The following PARD3B variants were observed in gnomAD, a reference collection of about 807,000 sequenced individuals.
The protein encoded by PARD3B is par-3 family cell polarity regulator beta.
A neutral mutation model predicts 130.2 loss-of-function variants in PARD3B; 103 were observed. The ratio of observed to expected loss-of-function variants is 0.79; its 90% CI spans 0.67 to 0.93. PARD3B has a LOEUF of 0.93. PARD3B is among the 40% of genes least tolerant of loss of function. The pLI is 0.00. For missense variants in PARD3B, 1,609 were observed against 1,499.2 expected, an observed-to-expected ratio of 1.07 and a Z score of -1.21; for synonymous variants, 583 against 553.2, an observed-to-expected ratio of 1.05 and a Z score of -0.76.
intron 22 of PARD3B, among the ~76,000 whole-genome samples, chr2:205,613,641 A>G (rs914113395): frequency 1.3e-5 from 2 of 152,244 alleles, no homozygotes; most frequent in Non-Finnish European, 2.9e-5. Context: ...AATAACTTGT[A>G]CACAAACAAT....
intron 16 of PARD3B, among the ~76,000 whole-genome samples, chr2:205,250,265 G>A (rs2039783583): frequency 6.6e-6 from 1 of 151,416 alleles, no homozygotes; most frequent in African/African-American, 2.4e-5. Context: ...GCTTGGAACT[G>A]TTTTAATATG....
chr2:205,306,448 CTG>C lies in PARD3B; in HGVS notation c.2630+4749_2630+4750del, dbSNP rs532886308. On this transcript the variant is annotated intron_variant, in intron 18 of 22. Transcript: ENST00000406610. ...CTAAAATAGTCTGTAAATATAAAAA[CTG>C]TTAGAGCTTCACATATCCCATTTTC... 1.2e-3 allele frequency among the ~76,000 whole-genome samples: 182 copies of C among 152,188 alleles called. 2 individuals are homozygous for C. The highest frequency in any genetic ancestry group is 4.1e-3 in the African/African-American group (172 of 41,506).
chr2:205,275,358 T>G (rs2040897776), intron 16 of PARD3B, among the ~76,000 whole-genome samples: 1 of 152,124 alleles, frequency 6.6e-6, no homozygotes, highest in African/African-American at 2.4e-5. Context: ...GAATTACAAG[T>G]TCATGTGTCT....
At chr2:205,413,876 T>G (rs1333321988) in intron 19 of PARD3B, among the ~76,000 whole-genome samples, 1 of 152,174 alleles carries the variant, frequency 6.6e-6, no homozygotes, top group African/African-American at 2.4e-5. Context: ...TGACTTAAAT[T>G]TAATCAGTTG....
intron 22 of PARD3B, among the ~76,000 whole-genome samples, chr2:205,561,435 G>T (rs2053132564): frequency 6.6e-6 from 1 of 152,188 alleles, no homozygotes. Context: ...GGTGTGGGTA[G>T]AGGTTTGACT....
intron 16 of PARD3B, among the ~76,000 whole-genome samples, chr2:205,254,669 AT>A (rs1410548243): frequency 0.018 from 2,612 of 141,796 alleles, 38 homozygotes; most frequent in East Asian, 0.041. Flanking sequence ...ATTTTATTTT[AT>A]TTTTTTTTTT....
At chr2:204,935,820 A>G (rs1688409500) in intron 2 of PARD3B, among the ~76,000 whole-genome samples, 1 of 152,184 alleles carries the variant, frequency 6.6e-6, no homozygotes. Flanking sequence ...AGTATTTTAA[A>G]TAAGAGCATT....
In PARD3B at chr2:205,138,983, C is replaced by A. The variant is rs146603396; in HGVS notation, c.1434+13246C>A. ...GTGGGTAGCATAAGGGACTTCACTC[C>A]CATAGCCAGCTCAGAGGGAAGTGTG... On this transcript the variant is annotated intron_variant, in intron 10 of 22. Coordinates refer to ENST00000406610, the MANE Select transcript of PARD3B (RefSeq NM_001302769.2). 3.9e-5 allele frequency among the ~76,000 whole-genome samples: 6 copies of A among 152,286 alleles called. No homozygotes were observed. In the East Asian group the frequency reaches 1.2e-3, roughly 29 times the overall value.
At chr2:204,867,363 C>T (rs951046006) in intron 2 of PARD3B, among the ~76,000 whole-genome samples, 3 of 152,132 alleles carry the variant, frequency 2.0e-5, no homozygotes, top group African/African-American at 7.2e-5. Flanking sequence ...TCAAGGTCTG[C>T]GTTGGTGGCT....
At chr2:205,489,366 C>A (rs1261502696) in intron 20 of PARD3B, among the ~76,000 whole-genome samples, 2 of 151,748 alleles carry the variant, frequency 1.3e-5, no homozygotes, top group Non-Finnish European at 2.9e-5. Flanking sequence ...AATCCCAGTG[C>A]TTTAGGAGGC....
Position 205,460,585 on chromosome 2 carries a change from A to G in PARD3B, c.3044+19913A>G, listed in dbSNP as rs2048418189. Among the ~76,000 whole-genome samples, 1 of 152,126 alleles carries G rather than the reference A, an allele frequency of 6.6e-6. No individual in the cohort carries two copies. Among genetic ancestry groups the G allele is most frequent in the Non-Finnish European group, 1.5e-5 (1 of 68,034 alleles). ...TTTCTCCTAGTGGTCATTAACATAGAGTTTGAAGCTGGGCATAAATCCTAG... is the reference window on the plus strand; with the variant it reads ...TTTCTCCTAGTGGTCATTAACATAGGGTTTGAAGCTGGGCATAAATCCTAG... On this transcript the variant is annotated intron_variant, in intron 20 of 22. Transcript: ENST00000406610. The surrounding 1 kb of genome is among the most constrained non-coding windows in gnomAD (Gnocchi z 4.9).
chr2:205,199,128 C>T (rs111902639), intron 15 of PARD3B, among the ~76,000 whole-genome samples: 6 of 152,238 alleles, frequency 3.9e-5, no homozygotes, highest in African/African-American at 9.6e-5. Flanking sequence ...AATGTTCTTT[C>T]ATTAAGTAAA....
At chr2:205,518,096 T>G (rs543993972) in intron 21 of PARD3B, among the ~76,000 whole-genome samples, 17 of 152,176 alleles carry the variant, frequency 1.1e-4, no homozygotes, top group Non-Finnish European at 1.9e-4. Flanking sequence ...GCCCTGTCAG[T>G]TCCATTTGGT....
chr2:205,035,809 ATATATATATATCTATATATC>A (rs796323491), intron 3 of PARD3B, among the ~76,000 whole-genome samples: 2,426 of 14,318 alleles, frequency 0.17, 217 homozygotes, highest in East Asian at 0.48. Flanking sequence ...ATATATATAT[ATATATATATATCTATATATC>A]TATATATATA....
intron 22 of PARD3B, among the ~76,000 whole-genome samples, chr2:205,612,939 C>A (rs1217591199): frequency 6.6e-6 from 1 of 152,168 alleles, no homozygotes; most frequent in African/African-American, 2.4e-5. Context: ...CGACTGTCCC[C>A]CCATGTGCTC....
intron 2 of PARD3B, among the ~76,000 whole-genome samples, chr2:204,886,993 G>T (rs2046290981): frequency 6.6e-6 from 1 of 152,160 alleles, no homozygotes; most frequent in African/African-American, 2.4e-5. Context: ...GGCCCACAGG[G>T]TATGTATCAT....
chr2:204,563,259 C>CTCTCTCTCTCTT (rs2125058981), intron 1 of PARD3B, among the ~76,000 whole-genome samples: 1 of 142,944 alleles, frequency 7.0e-6, no homozygotes, highest in Non-Finnish European at 1.5e-5. Flanking sequence ...CTCTCTCTCT[C>CTCTCTCTCTCTT]TCTCTCTTTC....
At chr2:204,812,319 G>A (rs1189588228) in intron 2 of PARD3B, among the ~76,000 whole-genome samples, 3 of 152,106 alleles carry the variant, frequency 2.0e-5, no homozygotes, top group Non-Finnish European at 2.9e-5. Flanking sequence ...CCTCCCCAGA[G>A]GAAAGAATTC....
intron 3 of PARD3B, among the ~76,000 whole-genome samples, chr2:205,026,183 G>C (rs2125347119): frequency 6.6e-6 from 1 of 152,234 alleles, no homozygotes; most frequent in East Asian, 1.9e-4. Context: ...CTATGACAGG[G>C]CTATTCTGAG....
Sources: allele counts gnomAD v4.1 joint callset (sites outside exome capture counted in the v4.1 genomes callset), GRCh38; gene constraint gnomAD v4.1.1; non-coding constraint Gnocchi (gnomAD v3.1); transcripts MANE v1.5; gene names NCBI Gene and HGNC (gene_info 2026-07-23, HGNC 2026-07-21).